Variants in MYBPC1 observed in about 807,000 individuals in gnomAD.
MYBPC1 encodes myosin binding protein C1, also known as myosin-binding protein C, slow-type.
MYBPC1 carries 52 observed loss-of-function variants against 147.1 expected under a neutral mutation model. That is an observed-to-expected ratio of 0.35 (90% confidence interval 0.28 to 0.45). The LOEUF (loss-of-function observed/expected upper bound fraction) is 0.45. Among genes scored for constraint, MYBPC1 ranks in the 20% least tolerant of loss-of-function variants. The pLI, the probability that MYBPC1 is intolerant of heterozygous loss-of-function variation, is 1.00. For missense variants in MYBPC1, 1,228 were observed against 1,440.3 expected, an observed-to-expected ratio of 0.85 and a Z score of 2.39; for synonymous variants, 477 against 475.9, an observed-to-expected ratio of 1.00 and a Z score of -0.03.
chr12:101,659,933 C>A, intron 19 of MYBPC1, 102 bp downstream of exon 19: 1 of 1,426,626 alleles, frequency 7.0e-7, no homozygotes, highest in Non-Finnish European at 9.8e-7. Context: ...CTTCCTTTGT[C>A]TTTCCCTTAT....
At chr12:101,674,993 T>C (rs986428000) in intron 25 of MYBPC1, among the ~76,000 whole-genome samples, 1 of 152,032 alleles carries the variant, frequency 6.6e-6, no homozygotes. Context: ...AGGGGCAACT[T>C]CCTGTAACAG....
chr12:101,691,709 T>C, the MYBPC1 span, among the ~76,000 whole-genome samples: 79,442 of 152,100 alleles, frequency 0.52, 21,403 homozygotes, highest in Admixed American at 0.61. Context: ...AGGAGGAGGC[T>C]GTGTGAAGGG....
rs1409204259 is a variant in MYBPC1 at position 101,666,514 on chromosome 12, C to T, written c.2357-1218C>T. 7.8e-6 allele frequency: 4 copies of T among 513,518 alleles called. No homozygotes were observed. In the Admixed American group the frequency reaches 1.3e-4, roughly 17 times the overall value. 31.8% of individuals were successfully genotyped at this position (513,518 alleles called of 1,614,324 possible). A position where few individuals can be genotyped will look rare whatever the true frequency, so the allele number is the denominator to read the frequency against. On this transcript the variant is annotated intron_variant, in intron 22 of 31. Coordinates refer to ENST00000361466, the MANE Select transcript of MYBPC1 (RefSeq NM_002465.4). ...TCTCTATTCTTTTCTTTTTTCTCCT[C>T]TTCTCTGTGGCAGGTGCCTCAGGTC... is the stretch of plus-strand genomic sequence containing the variant.
chr12:101,595,844 T>C (rs1041890298), intron 1 of MYBPC1, among the ~76,000 whole-genome samples: 1 of 152,058 alleles, frequency 6.6e-6, no homozygotes, highest in African/African-American at 2.4e-5. Flanking sequence ...CTCCTTTCTA[T>C]AAAAAAATTA....
intron 11 of MYBPC1, 86 bp downstream of exon 11, chr12:101,642,671 C>A: frequency 6.9e-7 from 1 of 1,458,484 alleles, no homozygotes; most frequent in Non-Finnish European, 9.3e-7. Context: ...CGAGCTCCTT[C>A]CAGTCTCCCG....
In MYBPC1 at chr12:101,629,704, C is replaced by T. The variant is rs71464282; in HGVS notation, c.289+160C>T. 8.1e-3 allele frequency among the ~76,000 whole-genome samples: 1,234 copies of T among 152,200 alleles called. 10 individuals are homozygous for T. Among genetic ancestry groups the T allele is most frequent in the Non-Finnish European group, 0.012 (817 of 68,004 alleles). On this transcript the variant is annotated intron_variant, in intron 6 of 31. Coordinates refer to ENST00000361466, the MANE Select transcript of MYBPC1 (RefSeq NM_002465.4). ...CCTGGCCAACATGGTGAAACCCAGT[C>T]CCTACTAAAAATACAAAAATTAGCA...
Position 101,617,070 on chromosome 12 carries a change from C to G in MYBPC1, c.62-132C>G, listed in dbSNP as rs1046192993. ...CTAAATTCATAATTCATGTACAGCA[C>G]GAGTATTCAGTATCATTTATGACCT... On this transcript the variant is annotated intron_variant, in intron 2 of 31. Coordinates refer to ENST00000361466, the MANE Select transcript of MYBPC1 (RefSeq NM_002465.4). 1.8e-5 allele frequency: 14 copies of G among 770,222 alleles called. No homozygotes were observed. The South Asian group carries it at 2.0e-4, about 11-fold the overall frequency. The allele number at this position is 770,222 out of a possible 1,614,324, so 47.7% of individuals were successfully genotyped here. A position where few individuals can be genotyped will look rare whatever the true frequency, so the allele number is the denominator to read the frequency against.
chr12:101,693,413 C>T, the MYBPC1 span, among the ~76,000 whole-genome samples: 1 of 152,138 alleles, frequency 6.6e-6, no homozygotes, highest in African/African-American at 2.4e-5. Flanking sequence ...TGATGGCCCC[C>T]CACAATACCC....
At chr12:101,656,058 C>T (rs888667095) in intron 18 of MYBPC1, among the ~76,000 whole-genome samples, 2 of 151,986 alleles carry the variant, frequency 1.3e-5, no homozygotes, top group Non-Finnish European at 2.9e-5. Flanking sequence ...GAATTAGGGA[C>T]ATTTCATTAT....
rs753197476 is a variant in MYBPC1, at chr12:101,649,284, C to G, written c.1221C>G (p.Ile407Met). ...GGTTTAAGAATGGTGAAGAGATTATCCCTGGTCCAAAATCAAGATACCGAA... is the reference window on the plus strand; with the variant it reads ...GGTTTAAGAATGGTGAAGAGATTATGCCTGGTCCAAAATCAAGATACCGAA... ...VKWFKNGEEI[I>M]PGPKSRYRIR... The change falls in exon 15 of 32, where the codon ATC becomes ATG. Residue 407 changes from isoleucine (I) to methionine (M), a missense_variant. Transcript: ENST00000361466. The G allele has an allele frequency of 5.0e-6, 8 of 1,613,462 alleles. No homozygotes were observed. The South Asian group carries it at 8.8e-5, about 18-fold the overall frequency.
In MYBPC1 at chr12:101,621,829, A is replaced by G. The variant is rs549975785; in HGVS notation, c.103+4586A>G. ...CTTTTTATTCAGTTACAAGTCTCTC[A>G]CTCATATTACGAAGTATTTATGTGT... On this transcript the variant is annotated intron_variant, in intron 3 of 31. Transcript: ENST00000361466. Among the ~76,000 whole-genome samples, 5 of 152,292 alleles carry G rather than the reference A, an allele frequency of 3.3e-5. No homozygotes were observed. In the East Asian group the frequency reaches 9.6e-4, roughly 29 times the overall value.
At chr12:101,662,047 G>A (rs757381921) in intron 20 of MYBPC1, among the ~76,000 whole-genome samples, 5 of 152,040 alleles carry the variant, frequency 3.3e-5, no homozygotes, top group Non-Finnish European at 7.4e-5. Context: ...GGGACTCAGA[G>A]TCAACTACAT....
chr12:101,644,786 C>T lies in MYBPC1; in HGVS notation c.955C>T (p.Pro319Ser), dbSNP rs1892719061. The change falls in exon 12 of 32, where the codon CCC (proline) becomes TCC (serine). Residue 319 changes from proline to serine, a missense_variant. Transcript: ENST00000361466. ...KWYKNGQEIR[P>S]STKYIFEHKG... The stretch of plus-strand genomic sequence containing the variant: ...GTATAAAAATGGTCAAGAAATTCGA[C>T]CCAGTACCAAGTAAGTGGGCTTTGC... The T allele has an allele frequency of 6.2e-7, 1 of 1,613,658 alleles. No homozygotes were observed. Among genetic ancestry groups the T allele is most frequent in the Admixed American group, 1.7e-5 (1 of 59,998 alleles).
In MYBPC1 at chr12:101,652,604, G is replaced by A. The variant is rs2136311969; in HGVS notation, c.1527-74G>A. The stretch of plus-strand genomic sequence containing the variant: ...AAGAAGTTAATCAGATAAAGGTCAA[G>A]TGTCTTTTCAGCTTGGGTCATATAT... On this transcript the variant is annotated intron_variant, in intron 16 of 31. Transcript: ENST00000361466. 5 of 1,017,264 alleles carry A rather than the reference G, an allele frequency of 4.9e-6. No individual in the cohort carries two copies. In the Admixed American group the frequency reaches 5.1e-5, roughly 10 times the overall value. 63.0% of individuals were successfully genotyped at this position (1,017,264 alleles called of 1,614,324 possible). A position where few individuals can be genotyped will look rare whatever the true frequency, so the allele number is the denominator to read the frequency against.
chr12:101,648,981 TGGG>T, intron 14 of MYBPC1, among the ~76,000 whole-genome samples: 1 of 152,302 alleles, frequency 6.6e-6, no homozygotes, highest in East Asian at 1.9e-4. Context: ...AGAGCCTACA[TGGG>T]GGTAATATCC....
downstream of MYBPC1, among the ~76,000 whole-genome samples, chr12:101,689,900 C>T (rs1340091265): frequency 1.3e-5 from 2 of 152,106 alleles, no homozygotes; most frequent in Non-Finnish European, 2.9e-5. Context: ...CTCTGCCGGG[C>T]GCGGTGGCTC....
intron 26 of MYBPC1, 89 bp from the exon 27 acceptor site, chr12:101,677,146 G>C: frequency 7.7e-7 from 1 of 1,306,140 alleles, no homozygotes; most frequent in Non-Finnish European, 1.1e-6. Context: ...TGTTAATAAA[G>C]CATCCTTGTT....
At chr12:101,615,992 T>C (rs371288711) in intron 2 of MYBPC1, among the ~76,000 whole-genome samples, 27 of 151,664 alleles carry the variant, frequency 1.8e-4, no homozygotes, top group African/African-American at 6.3e-4. Flanking sequence ...CCTCAAACTC[T>C]TGGGCGCAAG....
chr12:101,678,614 C>T (rs1463633334), intron 28 of MYBPC1, among the ~76,000 whole-genome samples: 1 of 152,072 alleles, frequency 6.6e-6, no homozygotes. Flanking sequence ...TTAAAGTAAA[C>T]AACAATTACA....
Sources: gnomAD v4.1 joint callset for allele counts (sites outside exome capture counted in the v4.1 genomes callset) on GRCh38, gnomAD v4.1.1 for gene constraint, MANE v1.5 for transcripts, NCBI Gene and HGNC (gene_info 2026-07-23, HGNC 2026-07-21) for gene names.